The following ARHGAP18 variants were observed in gnomAD, a reference collection of about 807,000 sequenced individuals.
ARHGAP18 encodes the protein rho GTPase-activating protein 18.
ARHGAP18 carries 67 observed loss-of-function variants against 86.2 expected under a neutral mutation model. The ratio of observed to expected loss-of-function variants is 0.78; its 90% CI spans 0.64 to 0.95. ARHGAP18 has a LOEUF of 0.95. Ranked by LOEUF, ARHGAP18 falls within the 40% of genes least tolerant of loss-of-function variation. ARHGAP18 has a pLI of 0.00. For synonymous variants in ARHGAP18, 283 were observed against 280.4 expected (o/e 1.01, Z -0.09); for missense variants, 691 against 780.4 (o/e 0.89, Z 1.37).
chr6:129,625,777 A>T lies in ARHGAP18; in HGVS notation c.786+3576T>A, dbSNP rs1367893116. Among the ~76,000 whole-genome samples the T allele has an allele frequency of 1.5e-4, 7 of 46,808 alleles. 1 individual carries two copies. Among genetic ancestry groups the T allele is most frequent in the African/African-American group, 5.5e-4 (7 of 12,770 alleles). 30.7% of individuals were successfully genotyped at this position (46,808 alleles called of 152,430 possible). ...ATATATTTATATATTATATATATTT[A>T]TATATATAATATATATTTTTATATT... On this transcript the variant is annotated intron_variant, in intron 5 of 14. Transcript: ENST00000368149.
At chr6:129,591,517 C>T (rs1216368756) in intron 12 of ARHGAP18, among the ~76,000 whole-genome samples, 1 of 152,146 alleles carries the variant, frequency 6.6e-6, no homozygotes, top group South Asian at 2.1e-4. Flanking sequence ...AAAATGACCT[C>T]ATATGGTCTT....
chr6:129,709,931 G>A (rs1303896758), intron 1 of ARHGAP18, 93 bp downstream of exon 1: 6 of 985,928 alleles, frequency 6.1e-6, no homozygotes, highest in Non-Finnish European at 9.4e-6. Context: ...ACGTGCAGAT[G>A]GAATTCCCTT....
intron 12 of ARHGAP18, among the ~76,000 whole-genome samples, chr6:129,585,270 G>A (rs1306384728): frequency 2.6e-5 from 4 of 151,690 alleles, no homozygotes; most frequent in Admixed American, 6.6e-5. Flanking sequence ...GAGACAGAGT[G>A]AGACTCCATC....
At chr6:129,652,626 T>A (rs1300589235) in intron 1 of ARHGAP18, among the ~76,000 whole-genome samples, 4 of 152,238 alleles carry the variant, frequency 2.6e-5, no homozygotes, top group Non-Finnish European at 5.9e-5. Flanking sequence ...CAGATAAATT[T>A]ACGCCAAGAT....
intron 12 of ARHGAP18, among the ~76,000 whole-genome samples, chr6:129,590,608 C>T (rs544569482): frequency 6.6e-6 from 1 of 152,114 alleles, no homozygotes; most frequent in African/African-American, 2.4e-5. Context: ...GTTAAGCCAC[C>T]TTTGAGCTCA....
At chr6:129,643,597 T>C (rs924890896) in intron 1 of ARHGAP18, among the ~76,000 whole-genome samples, 2 of 152,224 alleles carry the variant, frequency 1.3e-5, no homozygotes, top group South Asian at 4.1e-4. Flanking sequence ...TAAATTTTTT[T>C]AAAGAATACA....
chr6:129,649,170 C>T (rs1283223839), intron 1 of ARHGAP18, among the ~76,000 whole-genome samples: 1 of 152,206 alleles, frequency 6.6e-6, no homozygotes, highest in African/African-American at 2.4e-5. Flanking sequence ...TTCACAGAAA[C>T]TTACTTCTTT....
At position 129,584,096 on chromosome 6, in the gene ARHGAP18, C is replaced by T. The variant is rs1788343272; in HGVS notation, c.1730G>A (p.Gly577Glu). The change falls in exon 13 of 15, where the codon GGA becomes GAA. Residue 577 changes from glycine (G) to glutamate (E), a missense_variant. Gly to Glu is a moderately conservative substitution (Grantham distance 98). Transcript: ENST00000368149. ...ATGGGGAGCTTGCACTCGAATCACT[C>T]CCTGAGGAACGTCAGCCTGCAAAGC... is the stretch of plus-strand genomic sequence containing the variant. The part of the protein sequence containing the change: ...KSTNDADVPQ[G>E]VIRVQAPHLS... 6.2e-7 allele frequency: 1 copy of T among 1,613,484 alleles called. No homozygotes were observed. The highest frequency in any genetic ancestry group is 1.1e-5 in the South Asian group (1 of 91,062).
chr6:129,675,890 A>C (rs1296211929), intron 1 of ARHGAP18, among the ~76,000 whole-genome samples: 1 of 151,844 alleles, frequency 6.6e-6, no homozygotes, highest in African/African-American at 2.4e-5. Context: ...ACTCCACCCC[A>C]CCCTCCTCCA....
At chr6:129,650,152 G>A (rs986989146) in intron 1 of ARHGAP18, among the ~76,000 whole-genome samples, 3 of 149,358 alleles carry the variant, frequency 2.0e-5, no homozygotes, top group Non-Finnish European at 4.4e-5. Context: ...TCGAACTCCC[G>A]ACCTCAGGTG....
intron 1 of ARHGAP18, among the ~76,000 whole-genome samples, chr6:129,655,591 T>C (rs998693643): frequency 1.3e-5 from 2 of 151,990 alleles, no homozygotes; most frequent in African/African-American, 4.8e-5. Context: ...CTTAGAACTT[T>C]TTCTTGTTCT....
intron 10 of ARHGAP18, among the ~76,000 whole-genome samples, chr6:129,604,999 TCTTAA>T (rs2114453610): frequency 6.6e-6 from 1 of 152,170 alleles, no homozygotes; most frequent in East Asian, 1.9e-4. Flanking sequence ...AAATTTGTTT[TCTTAA>T]CTTGAAAGCT....
intron 1 of ARHGAP18, among the ~76,000 whole-genome samples, chr6:129,663,486 A>G (rs1476515545): frequency 6.6e-6 from 1 of 152,166 alleles, no homozygotes; most frequent in East Asian, 1.9e-4. Context: ...TAATTACTCA[A>G]ATGTGAATAT....
intron 6 of ARHGAP18, among the ~76,000 whole-genome samples, chr6:129,617,146 T>C (rs1584050261): frequency 1.3e-5 from 2 of 152,164 alleles, no homozygotes; most frequent in East Asian, 1.9e-4. Context: ...TGTATATACT[T>C]AGAAATAGCT....
chr6:129,611,227 C>T (rs1788972691), intron 8 of ARHGAP18, among the ~76,000 whole-genome samples: 2 of 152,132 alleles, frequency 1.3e-5, no homozygotes, highest in African/African-American at 2.4e-5. Flanking sequence ...TCAATTGCTA[C>T]TACTCATCCT....
Position 129,600,731 on chromosome 6 carries a change from T to C in ARHGAP18, c.1483A>G (p.Lys495Glu), listed in dbSNP as rs1416971164. ...NLFMCHALGL[K>E]SSEQREFVMA... is the part of the protein sequence containing the mutation. ...ACAAATTCTCGCTGTTCACTGGACTTCAATCCCAATGCATGACACATAAAG... is the reference window on the plus strand; with the variant it reads ...ACAAATTCTCGCTGTTCACTGGACTCCAATCCCAATGCATGACACATAAAG... The change falls in exon 11 of 15, where the codon AAG (lysine) becomes GAG (glutamate). Residue 495 changes from lysine to glutamate, a missense_variant. Physicochemically the swap from Lys to Glu is moderately conservative, Grantham distance 56 (BLOSUM62 1). Coordinates refer to ENST00000368149, the MANE Select transcript of ARHGAP18 (RefSeq NM_033515.3). The C allele has an allele frequency of 6.2e-7, 1 of 1,613,796 alleles. No homozygotes were observed. The highest frequency in any genetic ancestry group is 8.5e-7 in the Non-Finnish European group (1 of 1,179,806).
chr6:129,599,428 T>A, intron 11 of ARHGAP18, 72 bp from the exon 12 acceptor site: 1 of 1,267,622 alleles, frequency 7.9e-7, no homozygotes, highest in Non-Finnish European at 1.0e-6. Context: ...AAAAAAATTA[T>A]ATTTTTTTAA....
intron 8 of ARHGAP18, among the ~76,000 whole-genome samples, chr6:129,610,268 A>G (rs1057292985): frequency 2.6e-5 from 4 of 152,226 alleles, no homozygotes; most frequent in African/African-American, 9.6e-5. Context: ...GGGGATATGC[A>G]GTATGCATCC....
At chr6:129,581,394 T>C (rs1392266785) in intron 13 of ARHGAP18, among the ~76,000 whole-genome samples, 1 of 152,220 alleles carries the variant, frequency 6.6e-6, no homozygotes, top group African/African-American at 2.4e-5. Context: ...ATCTTTTAAA[T>C]TAAATAATTT....
Sources: gnomAD v4.1 joint callset for allele counts (sites outside exome capture counted in the v4.1 genomes callset) on GRCh38, gnomAD v4.1.1 for gene constraint, MANE v1.5 for transcripts, NCBI Gene and HGNC (gene_info 2026-07-23, HGNC 2026-07-21) for gene names.